Variants in UBR3 observed in about 807,000 individuals in gnomAD.
UBR3 encodes E3 ubiquitin-protein ligase UBR3.
In UBR3, 85 loss-of-function variants were observed where a neutral mutation model predicts 243.2. The ratio of observed to expected loss-of-function variants is 0.35; its 90% CI spans 0.29 to 0.42. The LOEUF (loss-of-function observed/expected upper bound fraction) is 0.42, where lower values mean the gene tolerates loss of function less well. Ranked by LOEUF, UBR3 falls within the 10% of genes least tolerant of loss-of-function variation. The pLI is 1.00. For synonymous variants in UBR3, 748 were observed against 799.8 expected (o/e 0.94, Z 1.09); for missense variants, 1,686 against 2,300.8 (o/e 0.73, Z 5.47).
At chr2:169,960,244 A>G (rs914941296) in intron 24 of UBR3, among the ~76,000 whole-genome samples, 1 of 151,628 alleles carries the variant, frequency 6.6e-6, no homozygotes, top group Non-Finnish European at 1.5e-5. Context: ...AGCAAAAAAA[A>G]AAAAAAAAAA....
Position 169,926,981 on chromosome 2 carries a change from A to G in UBR3, c.2338+10A>G. 1 of 1,549,416 alleles carries G rather than the reference A, an allele frequency of 6.5e-7. No individual in the cohort carries two copies. The highest frequency in any genetic ancestry group is 8.7e-7 in the Non-Finnish European group (1 of 1,145,802). On this transcript the variant is annotated intron_variant, in intron 16 of 38. Coordinates refer to ENST00000272793, the MANE Select transcript of UBR3 (RefSeq NM_172070.4). The stretch of plus-strand genomic sequence containing the variant: ...CTTCGTTTACATTTAGGTAAAACTC[A>G]CTGATACTAATACTTATGCATTAAC...
intron 33 of UBR3, among the ~76,000 whole-genome samples, chr2:170,059,697 C>G (rs961376875): frequency 1.3e-5 from 2 of 151,916 alleles, no homozygotes; most frequent in Non-Finnish European, 2.9e-5. Context: ...GGAGAACCAC[C>G]GCAGAGTCAG....
At chr2:170,068,841 A>T (rs979020260) in intron 35 of UBR3, among the ~76,000 whole-genome samples, 1 of 152,350 alleles carries the variant, frequency 6.6e-6, no homozygotes, top group South Asian at 2.1e-4. Context: ...ACATTTGCCA[A>T]CAAGTTTGAC....
At chr2:169,962,667 G>C (rs2087631795) in intron 24 of UBR3, among the ~76,000 whole-genome samples, 1 of 152,012 alleles carries the variant, frequency 6.6e-6, no homozygotes, top group Non-Finnish European at 1.5e-5. Context: ...CATACATAGA[G>C]ATTTCCTCTC....
intron 32 of UBR3, among the ~76,000 whole-genome samples, chr2:170,055,004 A>G (rs1398244425): frequency 6.6e-6 from 1 of 152,230 alleles, no homozygotes; most frequent in Non-Finnish European, 1.5e-5. Context: ...GGCAGCAAAT[A>G]TAATAGTACA....
rs1012915529 is a variant in UBR3 at position 169,904,980 on chromosome 2, A to C, written c.1466-134A>C. 1.9e-5 allele frequency: 11 copies of C among 580,492 alleles called. No homozygotes were observed. In the African/African-American group the frequency reaches 1.9e-4, roughly 10 times the overall value. 36.0% of individuals were successfully genotyped at this position (580,492 alleles called of 1,614,324 possible). On this transcript the variant is annotated intron_variant, in intron 8 of 38. Coordinates refer to ENST00000272793, the MANE Select transcript of UBR3 (RefSeq NM_172070.4). The stretch of plus-strand genomic sequence containing the variant: ...GAGTGTAAATATTGTGCCTAAAGCC[A>C]TATAGGTATTAAATGGAAGGCTGGG...
chr2:169,884,126 C>T (rs2083999025), intron 5 of UBR3, among the ~76,000 whole-genome samples: 1 of 151,286 alleles, frequency 6.6e-6, no homozygotes, highest in Non-Finnish European at 1.5e-5. Context: ...AGCCACCGTG[C>T]CCAGCCTGTA....
intron 8 of UBR3, among the ~76,000 whole-genome samples, chr2:169,900,607 T>A (rs942043319): frequency 6.6e-6 from 1 of 152,164 alleles, no homozygotes; most frequent in African/African-American, 2.4e-5. Context: ...AAAACAAAAT[T>A]TAGAAGTACC....
chr2:170,013,810 A>C (rs1164902505), intron 29 of UBR3: 1 of 410,224 alleles, frequency 2.4e-6, no homozygotes, highest in Non-Finnish European at 5.2e-6. Flanking sequence ...AGTTTTTATA[A>C]GAGAATATAG....
rs527737986 is a variant in UBR3 at position 169,854,413 on chromosome 2, A to G, written c.546-17823A>G. ...CCTGTAATTAGGTACTCTAAAAGAA[A>G]GAGGTTTAGGTTTTTGTAAAGTGGA... On this transcript the variant is annotated intron_variant, in intron 1 of 38. Coordinates refer to ENST00000272793, the MANE Select transcript of UBR3 (RefSeq NM_172070.4). 3.3e-5 allele frequency among the ~76,000 whole-genome samples: 5 copies of G among 152,234 alleles called. No individual in the cohort carries two copies. In the South Asian group the frequency reaches 1.0e-3, roughly 32 times the overall value.
At position 169,925,766 on chromosome 2, in the gene UBR3, G is replaced by A; in HGVS notation, c.2151+19G>A. On this transcript the variant is annotated intron_variant, in intron 14 of 38. Transcript: ENST00000272793. ...GTTACAGGTAAGCCAGCTAGATAATGCAGATATACTTTAGAAGTGTCTCAT... is the reference window on the plus strand; with the variant it reads ...GTTACAGGTAAGCCAGCTAGATAATACAGATATACTTTAGAAGTGTCTCAT... The A allele has an allele frequency of 6.5e-7, 1 of 1,535,612 alleles. No individual in the cohort carries two copies. The highest frequency in any genetic ancestry group is 8.8e-7 in the Non-Finnish European group (1 of 1,140,226).
At chr2:169,875,554 CT>C (rs918300355) in intron 2 of UBR3, among the ~76,000 whole-genome samples, 4 of 152,190 alleles carry the variant, frequency 2.6e-5, no homozygotes, top group African/African-American at 9.6e-5. Flanking sequence ...AGGAGGTCAT[CT>C]GTGTTTTTCC....
At chr2:170,058,181 C>T (rs57392087) in intron 33 of UBR3, among the ~76,000 whole-genome samples, 7,761 of 152,144 alleles carry the variant, frequency 0.051, 390 homozygotes, top group African/African-American at 0.13. Context: ...TTCTCTCACC[C>T]CTTTCCTTCC....
intron 31 of UBR3, among the ~76,000 whole-genome samples, chr2:170,039,801 A>C (rs990920985): frequency 2.6e-5 from 4 of 152,230 alleles, no homozygotes; most frequent in Admixed American, 6.5e-5. Flanking sequence ...CATTTAAAAA[A>C]TTCTTTTAGA....
chr2:169,951,472 A>G (rs1044725487), intron 23 of UBR3, among the ~76,000 whole-genome samples: 3 of 152,152 alleles, frequency 2.0e-5, no homozygotes, highest in Non-Finnish European at 4.4e-5. Context: ...AATTGATACT[A>G]TAATGGAGAG....
chr2:169,834,403 G>A (rs1313615924), intron 1 of UBR3, among the ~76,000 whole-genome samples: 3 of 152,156 alleles, frequency 2.0e-5, no homozygotes, highest in Non-Finnish European at 4.4e-5. Flanking sequence ...TTGTTCATAT[G>A]TGTGTGAGCT....
At chr2:170,053,297 A>T (rs1255529894) in intron 32 of UBR3, among the ~76,000 whole-genome samples, 1 of 152,188 alleles carries the variant, frequency 6.6e-6, no homozygotes, top group African/African-American at 2.4e-5. Flanking sequence ...GAATTTTGGT[A>T]TGTACTAGGA....
rs184237598 is a variant in UBR3 at position 170,011,081 on chromosome 2, C to G, written c.4367+2141C>G. Among the ~76,000 whole-genome samples, 28 of 152,136 alleles carry G rather than the reference C, an allele frequency of 1.8e-4. 1 individual carries two copies. In the Middle Eastern group the frequency reaches 0.01, roughly 55 times the overall value. On this transcript the variant is annotated intron_variant, in intron 29 of 38. Transcript: ENST00000272793. The stretch of plus-strand genomic sequence containing the variant: ...TTGGGAGGCTGAGATGGGAGGATCC[C>G]TTGAGCTACAAGAAATGAGAGGTCA...
At chr2:169,856,296 C>G (rs2082857811) in intron 1 of UBR3, among the ~76,000 whole-genome samples, 1 of 151,634 alleles carries the variant, frequency 6.6e-6, no homozygotes, top group Non-Finnish European at 1.5e-5. Flanking sequence ...AGAGACGCTC[C>G]TCACTTCCTA....
Sources: allele counts gnomAD v4.1 joint callset (sites outside exome capture counted in the v4.1 genomes callset), GRCh38; gene constraint gnomAD v4.1.1; transcripts MANE v1.5; gene names NCBI Gene and HGNC (gene_info 2026-07-23, HGNC 2026-07-21).